ATP2B2: variants seen among roughly 807,000 people sequenced by gnomAD.
ATP2B2 encodes ATPase plasma membrane Ca2+ transporting 2.
In ATP2B2, 15 loss-of-function variants were observed where a neutral mutation model predicts 120.0. The observed-to-expected ratio is 0.12, with a 90% CI of 0.08 to 0.19. ATP2B2 has a LOEUF of 0.19. ATP2B2 is among the 10% of genes least tolerant of loss of function. ATP2B2 has a pLI of 1.00. For missense variants in ATP2B2, 1,045 were observed against 1,719.8 expected, an observed-to-expected ratio of 0.61 and a Z score of 6.94; for synonymous variants, 694 against 700.3, an observed-to-expected ratio of 0.99 and a Z score of 0.14.
chr3:10,341,990 G>A (rs868564614), intron 19 of ATP2B2, among the ~76,000 whole-genome samples: 3 of 152,258 alleles, frequency 2.0e-5, no homozygotes, highest in Non-Finnish European at 4.4e-5. Flanking sequence ...GCTCCTGTAA[G>A]GAGAGAACTG....
chr3:10,571,166 A>G (rs2068117275), intron 2 of ATP2B2, among the ~76,000 whole-genome samples: 3 of 152,228 alleles, frequency 2.0e-5, no homozygotes, highest in African/African-American at 7.2e-5. Context: ...GGTTACATGA[A>G]GTGAAGAAGG....
chr3:10,554,462 A>G (rs1209732440), intron 2 of ATP2B2, among the ~76,000 whole-genome samples: 1 of 152,182 alleles, frequency 6.6e-6, no homozygotes, highest in African/African-American at 2.4e-5. Context: ...GGGCCAATGG[A>G]ATACAAGGAC....
chr3:10,506,898 C>T (rs552925230), upstream of ATP2B2, among the ~76,000 whole-genome samples: 1 of 152,378 alleles, frequency 6.6e-6, no homozygotes, highest in East Asian at 1.9e-4. Context: ...CAATTTGTCT[C>T]GTTAAGCTGA....
chr3:10,702,105 AC>A (rs2071828596), intron 1 of ATP2B2, among the ~76,000 whole-genome samples: 1 of 152,114 alleles, frequency 6.6e-6, no homozygotes, highest in Admixed American at 6.5e-5. Context: ...GCTTCCCGCT[AC>A]CCAGAGTGGC....
chr3:10,701,148 A>G (rs1369678799), intron 1 of ATP2B2, among the ~76,000 whole-genome samples: 1 of 152,220 alleles, frequency 6.6e-6, no homozygotes, highest in Non-Finnish European at 1.5e-5. Context: ...CAAGAAAGGC[A>G]CTGATTTGCT....
chr3:10,351,541 C>G (rs1175875170), intron 14 of ATP2B2, among the ~76,000 whole-genome samples: 1 of 152,140 alleles, frequency 6.6e-6, no homozygotes, highest in Non-Finnish European at 1.5e-5. Context: ...TGACCAGGAG[C>G]GCACTCCAGC....
At chr3:10,345,769 A>T (rs985578240) in intron 17 of ATP2B2, among the ~76,000 whole-genome samples, 194 bp from the exon 18 acceptor site, 1 of 151,838 alleles carries the variant, frequency 6.6e-6, no homozygotes, top group Non-Finnish European at 1.5e-5. Flanking sequence ...AGGAAGCCTC[A>T]CCCTGGCCCC....
At chr3:10,697,009 G>C (rs145891275) in intron 1 of ATP2B2, among the ~76,000 whole-genome samples, 109 of 152,280 alleles carry the variant, frequency 7.2e-4, no homozygotes, top group African/African-American at 2.4e-3. Context: ...TTTACAGATG[G>C]AAAATTGAGG....
chr3:10,553,868 C>G (rs1002444698), intron 2 of ATP2B2, among the ~76,000 whole-genome samples: 11 of 151,960 alleles, frequency 7.2e-5, no homozygotes, highest in Non-Finnish European at 1.0e-4. Flanking sequence ...CATGAGGGGG[C>G]CATTGTTTAG....
In ATP2B2 at chr3:10,380,957, A is replaced by G. The variant is rs3964504; in HGVS notation, c.1001-1673T>C. Among the ~76,000 whole-genome samples, 5 of 152,178 alleles carry G rather than the reference A, an allele frequency of 3.3e-5. No homozygotes were observed. In the East Asian group the frequency reaches 9.7e-4, roughly 29 times the overall value. Reference sequence around the variant, plus strand: ...ATCCCTGCAAGGTGGGGCAGGAGGGATTTTCATCACTCTCATTTTATAGAT... The same window carrying G: ...ATCCCTGCAAGGTGGGGCAGGAGGGGTTTTCATCACTCTCATTTTATAGAT... On this transcript the variant is annotated intron_variant, in intron 8 of 22. Transcript: ENST00000360273.
rs368687825 is a variant in ATP2B2, at chr3:10,364,636, G to A, written c.1660-4513C>T. On this transcript the variant is annotated intron_variant, in intron 12 of 22. Transcript: ENST00000360273. ...TGAGGCAGGAGAATCACACAAACCC[G>A]GGAGGCGGAGGTTGCAGTGAGCCAA... 5.3e-4 allele frequency among the ~76,000 whole-genome samples: 81 copies of A among 152,122 alleles called. No homozygotes were observed. In the East Asian group the frequency reaches 7.9e-3, roughly 15 times the overall value.
intron 1 of ATP2B2, among the ~76,000 whole-genome samples, chr3:10,679,188 A>G: frequency 6.6e-6 from 1 of 152,166 alleles, no homozygotes; most frequent in Middle Eastern, 3.2e-3. Flanking sequence ...GTGAGACCCC[A>G]AGCAGAGGAT....
chr3:10,604,386 TCA>T (rs1365116627), intron 2 of ATP2B2, among the ~76,000 whole-genome samples: 2 of 152,148 alleles, frequency 1.3e-5, no homozygotes, highest in Admixed American at 6.5e-5. Flanking sequence ...GCCCCAAACC[TCA>T]CAGTCTCCCC....
intron 1 of ATP2B2, among the ~76,000 whole-genome samples, chr3:10,461,866 C>T (rs2064505102): frequency 6.6e-6 from 1 of 152,174 alleles, no homozygotes; most frequent in African/African-American, 2.4e-5. Flanking sequence ...GTAGGCTAGG[C>T]CCTTGGGTGG....
rs147060503 is a variant in ATP2B2, at chr3:10,415,332, C to T, written c.200-4517G>A. On this transcript the variant is annotated intron_variant, in intron 2 of 22. Transcript: ENST00000360273. ...TTTTAGGCCAGGTGGGAGATTAAGC[C>T]AGACGTTCTGGAGAGGAAGACTTTG... Among the ~76,000 whole-genome samples, 459 of 152,256 alleles carry T rather than the reference C, an allele frequency of 3.0e-3. 3 individuals are homozygous for T. Among genetic ancestry groups the T allele is most frequent in the African/African-American group, 0.01 (434 of 41,522 alleles).
intron 1 of ATP2B2, among the ~76,000 whole-genome samples, chr3:10,489,471 G>A (rs1575392112): frequency 6.6e-6 from 1 of 152,180 alleles, no homozygotes; most frequent in East Asian, 1.9e-4. Context: ...TTTTGCCAGT[G>A]GTTCCCAAAT....
intron 2 of ATP2B2, among the ~76,000 whole-genome samples, chr3:10,597,238 T>C (rs1284162310): frequency 8.5e-5 from 8 of 94,594 alleles, no homozygotes; most frequent in South Asian, 3.4e-4. Flanking sequence ...CAGAGGCACA[T>C]ACCCACAGGC....
At chr3:10,538,215 G>A (rs1368116754) in intron 2 of ATP2B2, among the ~76,000 whole-genome samples, 1 of 152,156 alleles carries the variant, frequency 6.6e-6, no homozygotes, top group Non-Finnish European at 1.5e-5. Context: ...TAGAATTGGT[G>A]TTAATTTTTT....
rs1370421176 is a variant in ATP2B2, at chr3:10,610,898, C to G, written c.-415+9019G>C. Among the ~76,000 whole-genome samples the G allele has an allele frequency of 2.0e-5, 3 of 152,314 alleles. No homozygotes were observed. The East Asian group carries it at 5.8e-4, about 29-fold the overall frequency. On this transcript the variant is annotated intron_variant, in intron 2 of 21. Coordinates refer to the ATP2B2 transcript ENST00000646379. ...GCATGCCAAGAGACTGTGTCAAGCC[C>G]AGCAGAGGCTGGAGAGCTTCACTTG... is the stretch of plus-strand genomic sequence containing the variant.
Sources: gnomAD v4.1 joint callset for allele counts (sites outside exome capture counted in the v4.1 genomes callset) on GRCh38, gnomAD v4.1.1 for gene constraint, MANE v1.5 for transcripts, NCBI Gene and HGNC (gene_info 2026-07-23, HGNC 2026-07-21) for gene names.